The following TMEM156 variants were observed in gnomAD, a reference collection of about 807,000 sequenced individuals.
TMEM156 encodes transmembrane protein 156.
A neutral mutation model predicts 30.5 loss-of-function variants in TMEM156; 28 were observed. That is an observed-to-expected ratio of 0.92 (90% CI 0.68 to 1.26). The LOEUF is 1.26. Among genes scored for constraint, TMEM156 ranks in the 50% most tolerant of loss-of-function variants. The pLI, the probability that TMEM156 is intolerant of heterozygous loss-of-function variation, is 0.00. For missense variants in TMEM156, 351 were observed against 340.6 expected, an observed-to-expected ratio of 1.03 and a Z score of -0.24; for synonymous variants, 137 against 119.9, an observed-to-expected ratio of 1.14 and a Z score of -0.93.
chr4:39,014,632 A>C (rs1252847694), intron 1 of TMEM156, among the ~76,000 whole-genome samples: 1 of 151,610 alleles, frequency 6.6e-6, no homozygotes, highest in Non-Finnish European at 1.5e-5. Context: ...GGTGGTGTGT[A>C]CCTGTAATCC....
rs1380942549 is a variant in TMEM156, at chr4:38,993,869, T to G, written c.488A>C (p.Asn163Thr). The G allele has an allele frequency of 6.2e-7, 1 of 1,613,960 alleles. No homozygotes were observed. The highest frequency in any genetic ancestry group is 1.3e-5 in the African/African-American group (1 of 74,906). ...CATGATTGTTGATCTTCCAGTGTGG[T>G]TTTTTAGATGACAGGTAGTGTTATA... ...EEYNTTCHLK[N>T]HTGRSTIMED... The change falls in exon 3 of 7, where the codon AAC (asparagine) becomes ACC (threonine). Residue 163 changes from asparagine to threonine, a missense_variant. Transcript: ENST00000381938.
intron 1 of TMEM156, among the ~76,000 whole-genome samples, chr4:39,000,788 G>A (rs770182932): frequency 2.0e-5 from 3 of 152,042 alleles, no homozygotes; most frequent in South Asian, 2.1e-4. Flanking sequence ...TCAGGAGGCC[G>A]AGGCAGGAGA....
At chr4:38,993,156 G>A (rs1301779388) in intron 3 of TMEM156, among the ~76,000 whole-genome samples, 2 of 152,016 alleles carry the variant, frequency 1.3e-5, no homozygotes, top group Non-Finnish European at 2.9e-5. Context: ...AAGTTATTCT[G>A]TGGTGGCTCA....
At chr4:39,016,389 G>GA (rs1223528970) in intron 1 of TMEM156, among the ~76,000 whole-genome samples, 1 of 146,254 alleles carries the variant, frequency 6.8e-6, no homozygotes, top group Non-Finnish European at 1.5e-5. Context: ...AAAAAAAGAA[G>GA]AAGAAAGAAA....
At chr4:38,977,059 C>T (rs1313617283) in intron 5 of TMEM156, among the ~76,000 whole-genome samples, 1 of 152,152 alleles carries the variant, frequency 6.6e-6, no homozygotes, top group African/African-American at 2.4e-5. Flanking sequence ...GCGTGCACCA[C>T]CACACCGGCT....
chr4:39,011,666 C>T (rs560211780), intron 1 of TMEM156, among the ~76,000 whole-genome samples: 2 of 151,946 alleles, frequency 1.3e-5, no homozygotes, highest in African/African-American at 4.8e-5. Context: ...CCCAGCTACC[C>T]GGGAGGCTGA....
chr4:38,972,900 G>GT (rs1442974590), intron 5 of TMEM156, among the ~76,000 whole-genome samples: 2 of 152,036 alleles, frequency 1.3e-5, no homozygotes, highest in Non-Finnish European at 2.9e-5. Flanking sequence ...GCTTGTGATA[G>GT]TTTTTTTGCT....
chr4:39,018,117 A>G (rs1714621489), intron 1 of TMEM156, among the ~76,000 whole-genome samples: 1 of 150,430 alleles, frequency 6.6e-6, no homozygotes, highest in African/African-American at 2.4e-5. Flanking sequence ...TCATTCCATT[A>G]TTTTTCCCTT....
intron 3 of TMEM156, among the ~76,000 whole-genome samples, chr4:38,991,336 G>A (rs1273110966): frequency 6.7e-6 from 1 of 149,728 alleles, no homozygotes; most frequent in Non-Finnish European, 1.5e-5. Context: ...CAGTCCTCCT[G>A]CCTCAGTCTC....
At chr4:38,975,984 G>T (rs541976863) in intron 5 of TMEM156, among the ~76,000 whole-genome samples, 1 of 151,926 alleles carries the variant, frequency 6.6e-6, no homozygotes, top group African/African-American at 2.4e-5. Flanking sequence ...ACTCTCACTA[G>T]CCTTAAAGAA....
At chr4:38,977,438 C>T (rs980039890) in intron 5 of TMEM156, among the ~76,000 whole-genome samples, 1 of 152,140 alleles carries the variant, frequency 6.6e-6, no homozygotes, top group Non-Finnish European at 1.5e-5. Flanking sequence ...TCTTCAGTTT[C>T]TTTCAGTATC....
rs1359189653 is a variant in TMEM156, at chr4:38,993,790, T to A, written c.567A>T (p.Glu189Asp). The change falls in exon 3 of 7, where the codon GAA (glutamate) becomes GAT (aspartate). Residue 189 changes from glutamate (E) to aspartate (D), a missense_variant. By Grantham distance (45) the Glu-to-Asp change is conservative. Transcript: ENST00000381938. The part of the protein sequence containing the change: ...KSINYTCRIM[E>D]YPNDCIHISL... ...AAATGTGTATACAATCATTCGGGTATTCCATGATTCTACAAGTGTAGTTTA... is the reference window on the plus strand; with the variant it reads ...AAATGTGTATACAATCATTCGGGTAATCCATGATTCTACAAGTGTAGTTTA... 2 of 1,613,226 alleles carry A rather than the reference T, an allele frequency of 1.2e-6. No individual in the cohort carries two copies. The highest frequency in any genetic ancestry group is 1.7e-6 in the Non-Finnish European group (2 of 1,179,286).
intron 1 of TMEM156, among the ~76,000 whole-genome samples, chr4:39,003,754 C>T (rs1045302862): frequency 1.3e-5 from 2 of 152,138 alleles, no homozygotes; most frequent in African/African-American, 2.4e-5. Context: ...CACTAAAATA[C>T]ATGAAAAACT....
chr4:39,013,883 A>G (rs1417718840), intron 1 of TMEM156, among the ~76,000 whole-genome samples: 2 of 152,174 alleles, frequency 1.3e-5, no homozygotes, highest in Non-Finnish European at 2.9e-5. Context: ...ATTGTAGTGT[A>G]ATGTAAATAT....
At chr4:38,988,697 G>C (rs1712188132) in intron 4 of TMEM156, among the ~76,000 whole-genome samples, 154 bp downstream of exon 4, 1 of 152,156 alleles carries the variant, frequency 6.6e-6, no homozygotes, top group Non-Finnish European at 1.5e-5. Flanking sequence ...TTGCATGCTG[G>C]AACTGTGTTT....
intron 2 of TMEM156, among the ~76,000 whole-genome samples, chr4:38,996,094 AT>A (rs998384864): frequency 2.0e-5 from 3 of 152,188 alleles, no homozygotes; most frequent in Non-Finnish European, 4.4e-5. Context: ...AAATATATAT[AT>A]CAAATATTTT....
chr4:38,968,904 C>T (rs143449902), intron 6 of TMEM156, among the ~76,000 whole-genome samples: 10 of 152,246 alleles, frequency 6.6e-5, no homozygotes, highest in African/African-American at 1.2e-4. Context: ...TAACTGCCTC[C>T]GCTGGGCTCC....
intron 1 of TMEM156, among the ~76,000 whole-genome samples, chr4:39,013,297 G>A (rs1296475312): frequency 8.5e-6 from 1 of 117,852 alleles, no homozygotes; most frequent in Admixed American, 9.7e-5. Flanking sequence ...GACAGAGCCA[G>A]AACCTGTCTC....
At chr4:39,000,813 G>A (rs1434350083) in intron 1 of TMEM156, among the ~76,000 whole-genome samples, 1 of 152,014 alleles carries the variant, frequency 6.6e-6, no homozygotes, top group African/African-American at 2.4e-5. Context: ...CTTGAACCTG[G>A]GAGGTGGAGG....
Sources: gnomAD v4.1 joint callset for allele counts (sites outside exome capture counted in the v4.1 genomes callset) on GRCh38, gnomAD v4.1.1 for gene constraint, MANE v1.5 for transcripts, NCBI Gene and HGNC (gene_info 2026-07-23, HGNC 2026-07-21) for gene names.